The following CCDC85B variants were observed in gnomAD, a reference collection of about 807,000 sequenced individuals.
CCDC85B encodes coiled-coil domain containing 85B, also known as coiled-coil domain-containing protein 85B.
CCDC85B carries 8 observed loss-of-function variants against 13.6 expected under a neutral mutation model. The ratio of observed to expected loss-of-function variants is 0.59; its 90% CI spans 0.35 to 1.06. The LOEUF (loss-of-function observed/expected upper bound fraction) is 1.06, where lower values mean the gene tolerates loss of function less well. Ranked by LOEUF, CCDC85B falls within the 50% of genes least tolerant of loss-of-function variation. The pLI is 0.02. For synonymous variants in CCDC85B, 118 were observed against 135.9 expected, an observed-to-expected ratio of 0.87 and a Z score of 0.92; for missense variants, 217 against 285.9, an observed-to-expected ratio of 0.76 and a Z score of 1.74.
Position 65,890,859 on chromosome 11 carries a change from C to T in CCDC85B, c.76C>T (p.Arg26Trp). Residue 26 changes from arginine (R) to tryptophan (W), a missense_variant, in exon 1 of 1, where the codon CGG (arginine) becomes TGG (tryptophan). Transcript: ENST00000312579. ...MAALGKEELVRRLRREEAARL... is the reference protein window; with the variant it reads ...MAALGKEELVWRLRREEAARL... ...GGCGCTAGGCAAGGAAGAGCTAGTG[C>T]GGCGCCTGCGGCGGGAGGAGGCGGC... The T allele has an allele frequency of 1.3e-6, 2 of 1,525,116 alleles. No homozygotes were observed. The allele number at this position is 1,525,116 out of a possible 1,614,324, so 94.5% of individuals were successfully genotyped here. A position where few individuals can be genotyped will look rare whatever the true frequency, so the allele number is the denominator to read the frequency against.
At position 65,890,885 on chromosome 11, in the gene CCDC85B, G is replaced by A. The variant is rs1157154804; in HGVS notation, c.102G>A (p.Ala34=). 15 of 1,519,596 alleles carry A rather than the reference G, an allele frequency of 9.9e-6. No homozygotes were observed. The highest frequency in any genetic ancestry group is 2.5e-5 in the East Asian group (1 of 39,958). The allele number at this position is 1,519,596 out of a possible 1,614,324, so 94.1% of individuals were successfully genotyped here. Residue 34 remains alanine (A), a synonymous_variant, in exon 1 of 1, where the codon GCG becomes GCA. Coordinates refer to ENST00000312579, the MANE Select transcript of CCDC85B (RefSeq NM_006848.3). ...LVRRLRREEA[A]RLAALVQRGR... ...GGCGCCTGCGGCGGGAGGAGGCGGC[G>A]CGCCTGGCGGCACTGGTGCAGCGCG...
Position 65,890,893 on chromosome 11 carries a change from C to A in CCDC85B, c.110C>A (p.Ala37Glu), listed in dbSNP as rs1390754204. 1 of 1,524,108 alleles carries A rather than the reference C, an allele frequency of 6.6e-7. No homozygotes were observed. Among genetic ancestry groups the A allele is most frequent in the Non-Finnish European group, 8.8e-7 (1 of 1,142,190 alleles). The allele number at this position is 1,524,108 out of a possible 1,614,324, so 94.4% of individuals were successfully genotyped here. ...RLRREEAARLAALVQRGRLMQ... is the reference protein window; with the variant it reads ...RLRREEAARLEALVQRGRLMQ... ...CGGCGGGAGGAGGCGGCGCGCCTGG[C>A]GGCACTGGTGCAGCGCGGCCGCCTC... Residue 37 changes from alanine to glutamate, a missense_variant, in exon 1 of 1, where the codon GCG becomes GAG. Ala to Glu is a moderately radical substitution (Grantham distance 107). Transcript: ENST00000312579.
chr11:65,891,532 A>G lies in CCDC85B; in HGVS notation c.*140A>G. 1 of 934,592 alleles carries G rather than the reference A, an allele frequency of 1.1e-6. No homozygotes were observed. 57.9% of individuals were successfully genotyped at this position (934,592 alleles called of 1,614,324 possible). On this transcript the variant is annotated 3_prime_UTR_variant, in exon 1 of 1. Transcript: ENST00000312579. This position sits in a 1 kb window ranked among gnomAD's most constrained non-coding sequence, Gnocchi z 7.3. ...GGACTAAGAAATCCTGACACCAAGAAGGGCCCCTCGCTCTTGCTGGCAGGG... is the reference window on the plus strand; with the variant it reads ...GGACTAAGAAATCCTGACACCAAGAGGGGCCCCTCGCTCTTGCTGGCAGGG...
Position 65,891,230 on chromosome 11 carries a change from C to A in CCDC85B, c.447C>A (p.Gly149=), listed in dbSNP as rs950696632. ...GCCTGGCGCTGGGCGAAGAATGGGG[C>A]CCCCGCGGCGGCCCCAGCGGCGCCG... is the stretch of plus-strand genomic sequence containing the variant. ...ELCLALGEEW[G]PRGGPSGAGG... The change falls in exon 1 of 1, where the codon GGC becomes GGA. Residue 149 remains glycine (G), a synonymous_variant. Coordinates refer to ENST00000312579, the MANE Select transcript of CCDC85B (RefSeq NM_006848.3). This position sits in a 1 kb window ranked among gnomAD's most constrained non-coding sequence, Gnocchi z 7.3. The A allele has an allele frequency of 1.3e-6, 2 of 1,509,874 alleles. No individual in the cohort carries two copies. Among genetic ancestry groups the A allele is most frequent in the Non-Finnish European group, 1.8e-6 (2 of 1,132,490 alleles). The allele number at this position is 1,509,874 out of a possible 1,614,324, so 93.5% of individuals were successfully genotyped here. A position where few individuals can be genotyped will look rare whatever the true frequency, so the allele number is the denominator to read the frequency against.
In CCDC85B at chr11:65,891,627, G is replaced by A. The variant is rs1275875218; in HGVS notation, c.*235G>A. The A allele has an allele frequency of 1.7e-5, 8 of 469,160 alleles. No individual in the cohort carries two copies. The highest frequency in any genetic ancestry group is 1.5e-5 in the Non-Finnish European group (4 of 268,726). 29.1% of individuals were successfully genotyped at this position (469,160 alleles called of 1,614,324 possible). A position where few individuals can be genotyped will look rare whatever the true frequency, so the allele number is the denominator to read the frequency against. On this transcript the variant is annotated 3_prime_UTR_variant, in exon 1 of 1. Coordinates refer to ENST00000312579, the MANE Select transcript of CCDC85B (RefSeq NM_006848.3). The surrounding 1 kb of genome is among the most constrained non-coding windows in gnomAD (Gnocchi z 7.3). ...TGGATTGGGGGTAATAAACCCGGAC[G>A]GAAGCGGAGCCCACGGCCTGGGCAG...
rs866054669 is a variant in CCDC85B at position 65,891,150 on chromosome 11, C to A, written c.367C>A (p.Leu123Met). Reference sequence around the variant, plus strand: ...CGGCTGTTGGCAGAAGCTGGCCGAGCTGGAGGGCCGCCAGGAGGAGCTGCT... The same window carrying A: ...CGGCTGTTGGCAGAAGCTGGCCGAGATGGAGGGCCGCCAGGAGGAGCTGCT... ...LGGCWQKLAE[L>M]EGRQEELLRE... Residue 123 changes from leucine to methionine, a missense_variant, in exon 1 of 1, where the codon CTG becomes ATG. Physicochemically the swap from Leu to Met is conservative, Grantham distance 15 (BLOSUM62 2). Transcript: ENST00000312579. The surrounding 1 kb of genome is among the most constrained non-coding windows in gnomAD (Gnocchi z 7.3). 1 of 1,561,124 alleles carries A rather than the reference C, an allele frequency of 6.4e-7. No homozygotes were observed. Among genetic ancestry groups the A allele is most frequent in the Admixed American group, 1.9e-5 (1 of 52,050 alleles).
In CCDC85B at chr11:65,891,497, C is replaced by A; in HGVS notation, c.*105C>A. 7.7e-7 allele frequency: 1 copy of A among 1,294,098 alleles called. No individual in the cohort carries two copies. The highest frequency in any genetic ancestry group is 1.0e-6 in the Non-Finnish European group (1 of 977,452). The allele number at this position is 1,294,098 out of a possible 1,614,324, so 80.2% of individuals were successfully genotyped here. A position where few individuals can be genotyped will look rare whatever the true frequency, so the allele number is the denominator to read the frequency against. On this transcript the variant is annotated 3_prime_UTR_variant, in exon 1 of 1. Coordinates refer to ENST00000312579, the MANE Select transcript of CCDC85B (RefSeq NM_006848.3). The surrounding 1 kb of genome is among the most constrained non-coding windows in gnomAD (Gnocchi z 7.3). ...CGCCGTCCTGGCTGCGCAGGAGGGG[C>A]CGCTGGCATGGACTAAGAAATCCTG...
chr11:65,891,327 A>G lies in CCDC85B; in HGVS notation c.544A>G (p.Ser182Gly). ...PCGPRDLGDG[S>G]SSTGSVGSPD... ...CGGGCCCCGCGACCTAGGCGATGGAAGCTCCAGCACTGGCAGCGTGGGCAG... is the reference window on the plus strand; with the variant it reads ...CGGGCCCCGCGACCTAGGCGATGGAGGCTCCAGCACTGGCAGCGTGGGCAG... Residue 182 changes from serine (S) to glycine (G), a missense_variant, in exon 1 of 1, where the codon AGC becomes GGC. By Grantham distance (56) the Ser-to-Gly change is moderately conservative. Coordinates refer to ENST00000312579, the MANE Select transcript of CCDC85B (RefSeq NM_006848.3). The surrounding 1 kb of genome is among the most constrained non-coding windows in gnomAD (Gnocchi z 7.3). 1 of 1,605,236 alleles carries G rather than the reference A, an allele frequency of 6.2e-7. No homozygotes were observed. Among genetic ancestry groups the G allele is most frequent in the Non-Finnish European group, 8.5e-7 (1 of 1,177,006 alleles).
At position 65,891,256 on chromosome 11, in the gene CCDC85B, G is replaced by A. The variant is rs1235465685; in HGVS notation, c.473G>A (p.Gly158Glu). The A allele has an allele frequency of 6.5e-7, 1 of 1,528,012 alleles. No homozygotes were observed. The highest frequency in any genetic ancestry group is 2.5e-5 in the East Asian group (1 of 39,680). 94.7% of individuals were successfully genotyped at this position (1,528,012 alleles called of 1,614,324 possible). ...WGPRGGPSGAGGSGAGPAPEL... is the reference protein window; with the variant it reads ...WGPRGGPSGAEGSGAGPAPEL... The stretch of plus-strand genomic sequence containing the variant: ...CCCCGCGGCGGCCCCAGCGGCGCCG[G>A]GGGATCAGGAGCCGGGCCAGCACCC... The change falls in exon 1 of 1, where the codon GGG becomes GAG. Residue 158 changes from glycine to glutamate, a missense_variant. Gly to Glu is a moderately conservative substitution (Grantham distance 98, BLOSUM62 -2). Coordinates refer to ENST00000312579, the MANE Select transcript of CCDC85B (RefSeq NM_006848.3). The surrounding 1 kb of genome is among the most constrained non-coding windows in gnomAD (Gnocchi z 7.3).
chr11:65,891,436 C>G lies in CCDC85B; in HGVS notation c.*44C>G. 1.3e-6 allele frequency: 2 copies of G among 1,515,120 alleles called. No homozygotes were observed. The highest frequency in any genetic ancestry group is 1.3e-5 in the South Asian group (1 of 77,082). 93.9% of individuals were successfully genotyped at this position (1,515,120 alleles called of 1,614,324 possible). ...GCCGACGCCCGCCCGGATTGCTCCC[C>G]GAGCCCCGGGACCGCTGTGGACCTC... On this transcript the variant is annotated 3_prime_UTR_variant, in exon 1 of 1. Transcript: ENST00000312579. This position sits in a 1 kb window ranked among gnomAD's most constrained non-coding sequence, Gnocchi z 7.3.
chr11:65,891,251 C>A lies in CCDC85B; in HGVS notation c.468C>A (p.Gly156=), dbSNP rs75556285. Residue 156 remains glycine, a synonymous_variant, in exon 1 of 1, where the codon GGC becomes GGA. Coordinates refer to ENST00000312579, the MANE Select transcript of CCDC85B (RefSeq NM_006848.3). This position sits in a 1 kb window ranked among gnomAD's most constrained non-coding sequence, Gnocchi z 7.3. ...EEWGPRGGPS[G]AGGSGAGPAP... ...GGGGCCCCCGCGGCGGCCCCAGCGGCGCCGGGGGATCAGGAGCCGGGCCAG... is the reference window on the plus strand; with the variant it reads ...GGGGCCCCCGCGGCGGCCCCAGCGGAGCCGGGGGATCAGGAGCCGGGCCAG... The A allele has an allele frequency of 4.6e-6, 7 of 1,522,542 alleles. No homozygotes were observed. The highest frequency in any genetic ancestry group is 6.1e-6 in the Non-Finnish European group (7 of 1,138,232). The allele number at this position is 1,522,542 out of a possible 1,614,324, so 94.3% of individuals were successfully genotyped here.
rs1860386863 is a variant in CCDC85B at position 65,891,626 on chromosome 11, C to T, written c.*234C>T. ...TTGGATTGGGGGTAATAAACCCGGA[C>T]GGAAGCGGAGCCCACGGCCTGGGCA... On this transcript the variant is annotated 3_prime_UTR_variant, in exon 1 of 1. Transcript: ENST00000312579. This position sits in a 1 kb window ranked among gnomAD's most constrained non-coding sequence, Gnocchi z 7.3. 6.4e-6 allele frequency: 3 copies of T among 466,754 alleles called. No homozygotes were observed. Among genetic ancestry groups the T allele is most frequent in the South Asian group, 1.0e-4 (2 of 19,086 alleles). 28.9% of individuals were successfully genotyped at this position (466,754 alleles called of 1,614,324 possible). A position where few individuals can be genotyped will look rare whatever the true frequency, so the allele number is the denominator to read the frequency against.
chr11:65,890,833 C>T lies in CCDC85B; in HGVS notation c.50C>T (p.Ala17Val). ...GLEELTDEEM[A>V]ALGKEELVRR... ...GAGGAGCTGACGGACGAGGAGATGG[C>T]GGCGCTAGGCAAGGAAGAGCTAGTG... is the stretch of plus-strand genomic sequence containing the variant. Residue 17 changes from alanine (A) to valine (V), a missense_variant, in exon 1 of 1, where the codon GCG becomes GTG. Transcript: ENST00000312579. The T allele has an allele frequency of 6.6e-7, 1 of 1,519,646 alleles. No individual in the cohort carries two copies. The highest frequency in any genetic ancestry group is 8.8e-7 in the Non-Finnish European group (1 of 1,140,612). The allele number at this position is 1,519,646 out of a possible 1,614,324, so 94.1% of individuals were successfully genotyped here.
Position 65,891,627 on chromosome 11 carries a change from G to T in CCDC85B, c.*235G>T, listed in dbSNP as rs1275875218. On this transcript the variant is annotated 3_prime_UTR_variant, in exon 1 of 1. Coordinates refer to ENST00000312579, the MANE Select transcript of CCDC85B (RefSeq NM_006848.3). This position sits in a 1 kb window ranked among gnomAD's most constrained non-coding sequence, Gnocchi z 7.3. Reference sequence around the variant, plus strand: ...TGGATTGGGGGTAATAAACCCGGACGGAAGCGGAGCCCACGGCCTGGGCAG... The same window carrying T: ...TGGATTGGGGGTAATAAACCCGGACTGAAGCGGAGCCCACGGCCTGGGCAG... 1.3e-5 allele frequency: 6 copies of T among 469,160 alleles called. No individual in the cohort carries two copies. The South Asian group carries it at 2.5e-4, about 19-fold the overall frequency. 29.1% of individuals were successfully genotyped at this position (469,160 alleles called of 1,614,324 possible). A position where few individuals can be genotyped will look rare whatever the true frequency, so the allele number is the denominator to read the frequency against.
chr11:65,891,510 C>G lies in CCDC85B; in HGVS notation c.*118C>G. 8.6e-7 allele frequency: 1 copy of G among 1,156,670 alleles called. No homozygotes were observed. The highest frequency in any genetic ancestry group is 1.2e-6 in the Non-Finnish European group (1 of 863,694). The allele number at this position is 1,156,670 out of a possible 1,614,324, so 71.7% of individuals were successfully genotyped here. ...GCGCAGGAGGGGCCGCTGGCATGGA[C>G]TAAGAAATCCTGACACCAAGAAGGG... is the stretch of plus-strand genomic sequence containing the variant. On this transcript the variant is annotated 3_prime_UTR_variant, in exon 1 of 1. Transcript: ENST00000312579. This position sits in a 1 kb window ranked among gnomAD's most constrained non-coding sequence, Gnocchi z 7.3.
At position 65,890,940 on chromosome 11, in the gene CCDC85B, C is replaced by T. The variant is rs1210100748; in HGVS notation, c.157C>T (p.Leu53=). 2 of 1,530,388 alleles carry T rather than the reference C, an allele frequency of 1.3e-6. No individual in the cohort carries two copies. 94.8% of individuals were successfully genotyped at this position (1,530,388 alleles called of 1,614,324 possible). Residue 53 remains leucine, a synonymous_variant, in exon 1 of 1, where the codon CTG becomes TTG. Transcript: ENST00000312579. ...GRLMQEVNRQ[L]QGHLGEIREL... ...CCTCATGCAGGAGGTGAATCGGCAGCTGCAGGGCCACCTGGGCGAGATCCG... is the reference window on the plus strand; with the variant it reads ...CCTCATGCAGGAGGTGAATCGGCAGTTGCAGGGCCACCTGGGCGAGATCCG...
Position 65,890,759 on chromosome 11 carries a change from C to T in CCDC85B, c.-25C>T. 1.5e-6 allele frequency: 2 copies of T among 1,376,310 alleles called. No homozygotes were observed. The highest frequency in any genetic ancestry group is 1.9e-6 in the Non-Finnish European group (2 of 1,072,626). The allele number at this position is 1,376,310 out of a possible 1,614,324, so 85.3% of individuals were successfully genotyped here. On this transcript the variant is annotated 5_prime_UTR_variant, in exon 1 of 1. Coordinates refer to ENST00000312579, the MANE Select transcript of CCDC85B (RefSeq NM_006848.3). ...CTCCTGGGCCGCGGCGGCGGGCGGG[C>T]GATGCTCCAGAGGCCTGACCAGCCA...
rs749718622 is a variant in CCDC85B at position 65,891,299 on chromosome 11, G to A, written c.516G>A (p.Pro172=). The change falls in exon 1 of 1, where the codon CCG becomes CCA. Residue 172 remains proline, a synonymous_variant. Coordinates refer to ENST00000312579, the MANE Select transcript of CCDC85B (RefSeq NM_006848.3). This position sits in a 1 kb window ranked among gnomAD's most constrained non-coding sequence, Gnocchi z 7.3. ...CAGCACCCGAGCTTGCCTTGCCCCC[G>A]TGCGGGCCCCGCGACCTAGGCGATG... is the stretch of plus-strand genomic sequence containing the variant. ...AGPAPELALP[P]CGPRDLGDGS... The A allele has an allele frequency of 1.9e-6, 3 of 1,582,586 alleles. No homozygotes were observed. Among genetic ancestry groups the A allele is most frequent in the Non-Finnish European group, 2.6e-6 (3 of 1,166,656 alleles).
Position 65,890,748 on chromosome 11 carries a change from CGGCG to C in CCDC85B, c.-27_-24del. On this transcript the variant is annotated 5_prime_UTR_variant, in exon 1 of 1. Coordinates refer to ENST00000312579, the MANE Select transcript of CCDC85B (RefSeq NM_006848.3). ...CCGACGTGGGGCTCCTGGGCCGCGG[CGGCG>C]GGCGGGCGATGCTCCAGAGGCCTGA... 7.3e-7 allele frequency: 1 copy of C among 1,370,730 alleles called. No individual in the cohort carries two copies. The highest frequency in any genetic ancestry group is 9.3e-7 in the Non-Finnish European group (1 of 1,069,616). The allele number at this position is 1,370,730 out of a possible 1,614,324, so 84.9% of individuals were successfully genotyped here. A position where few individuals can be genotyped will look rare whatever the true frequency, so the allele number is the denominator to read the frequency against.
Sources: gnomAD v4.1 joint callset for allele counts on GRCh38, gnomAD v4.1.1 for gene constraint, Gnocchi (gnomAD v3.1) non-coding constraint, MANE v1.5 for transcripts, NCBI Gene and HGNC (gene_info 2026-07-23, HGNC 2026-07-21) for gene names.